Variants in LRRC7 observed in about 807,000 individuals in gnomAD.
LRRC7 encodes the protein leucine rich repeat containing 7.
In LRRC7, 23 loss-of-function variants were observed where a neutral mutation model predicts 175.7. The observed-to-expected ratio is 0.13, with a 90% CI of 0.09 to 0.19. LRRC7 has a LOEUF of 0.19. Ranked by LOEUF, LRRC7 falls within the 10% of genes least tolerant of loss-of-function variation. The pLI is 1.00. For missense variants in LRRC7, 1,354 were observed against 1,904.7 expected (o/e 0.71, Z 5.38); for synonymous variants, 685 against 680.9 (o/e 1.01, Z -0.09).
chr1:69,796,373 T>C (rs1675766511), intron 4 of LRRC7, among the ~76,000 whole-genome samples: 1 of 152,138 alleles, frequency 6.6e-6, no homozygotes, highest in African/African-American at 2.4e-5. Context: ...TCCAAATGCA[T>C]CAAGCTGGTT....
At chr1:70,101,487 A>G (rs763250817) in intron 25 of LRRC7, among the ~76,000 whole-genome samples, 1 of 152,194 alleles carries the variant, frequency 6.6e-6, no homozygotes, top group Admixed American at 6.5e-5. Context: ...CACCTTCATC[A>G]TTAAAAAGCC....
Position 70,124,037 on chromosome 1 carries a change from A to G in LRRC7, c.*2150A>G, listed in dbSNP as rs1379181981. ...ACACAGCTGAAAGGATCATAATCCT[A>G]GTAAACACCTCTGCCACTCCTGATG... On this transcript the variant is annotated 3_prime_UTR_variant, in exon 27 of 27. Transcript: ENST00000651989. 6.6e-6 allele frequency among the ~76,000 whole-genome samples: 1 copy of G among 152,230 alleles called. No homozygotes were observed. The highest frequency in any genetic ancestry group is 2.4e-5 in the African/African-American group (1 of 41,470).
intron 2 of LRRC7, among the ~76,000 whole-genome samples, chr1:69,719,229 A>G (rs1205317559): frequency 6.6e-6 from 1 of 151,756 alleles, no homozygotes; most frequent in Non-Finnish European, 1.5e-5. Flanking sequence ...CATTAGAGTG[A>G]CAAATATTCT....
At chr1:69,668,754 G>T (rs1360162394) in intron 1 of LRRC7, among the ~76,000 whole-genome samples, 1 of 152,038 alleles carries the variant, frequency 6.6e-6, no homozygotes, top group Non-Finnish European at 1.5e-5. Flanking sequence ...TAATTTACAT[G>T]CCCACCAACA....
At chr1:69,807,343 G>A (rs190413111) in intron 4 of LRRC7, among the ~76,000 whole-genome samples, 86 of 152,098 alleles carry the variant, frequency 5.7e-4, no homozygotes, top group Middle Eastern at 3.4e-3. Flanking sequence ...TCATTATGAT[G>A]TTAGCTGGTT....
chr1:69,760,465 G>T (rs1670917310), intron 3 of LRRC7, 72 bp downstream of exon 3: 6 of 1,320,200 alleles, frequency 4.5e-6, no homozygotes, highest in Non-Finnish European at 5.4e-6. Context: ...TATTATAATG[G>T]TAATGTGAAC....
At chr1:69,988,223 A>G (rs72676875) in intron 10 of LRRC7, among the ~76,000 whole-genome samples, 2,491 of 152,286 alleles carry the variant, frequency 0.016, 32 homozygotes, top group Non-Finnish European at 0.024. Flanking sequence ...AGTGCCAAGA[A>G]CTGTGCCTGG....
chr1:69,824,647 G>A (rs1378114023), intron 4 of LRRC7, among the ~76,000 whole-genome samples: 1 of 152,028 alleles, frequency 6.6e-6, no homozygotes, highest in Admixed American at 6.6e-5. Flanking sequence ...CTGCTTCAAG[G>A]GCTTTGAAGT....
In LRRC7 at chr1:69,663,154, TTTTA is replaced by T. The variant is rs561346942; in HGVS notation, c.3-15219_3-15216del. ...TCCTACTTTCATTTTTAATTCCTTT[TTTTA>T]TTTATTTTTTCTTACCATGAATTAT... On this transcript the variant is annotated intron_variant, in intron 1 of 26. Coordinates refer to ENST00000651989, the MANE Select transcript of LRRC7 (RefSeq NM_001370785.2). Among the ~76,000 whole-genome samples the T allele has an allele frequency of 3.4e-3, 525 of 152,258 alleles. 2 individuals are homozygous for T. Among genetic ancestry groups the T allele is most frequent in the Non-Finnish European group, 5.4e-3 (368 of 68,014 alleles).
At chr1:69,618,365 C>T (rs1251827320) in intron 1 of LRRC7, among the ~76,000 whole-genome samples, 3 of 152,118 alleles carry the variant, frequency 2.0e-5, no homozygotes, top group Non-Finnish European at 4.4e-5. Flanking sequence ...ACTTAGTAAG[C>T]TTTTGATCTA....
chr1:70,021,438 A>G (rs1375059008), intron 16 of LRRC7: 1 of 217,918 alleles, frequency 4.6e-6, no homozygotes, highest in Non-Finnish European at 9.2e-6. Flanking sequence ...ACCTTATTTC[A>G]TTGTTGACAT....
intron 7 of LRRC7, among the ~76,000 whole-genome samples, chr1:69,875,790 G>A (rs1317252793): frequency 6.6e-6 from 1 of 151,764 alleles, no homozygotes; most frequent in Non-Finnish European, 1.5e-5. Context: ...GTATTGAACT[G>A]TCTTTTATAA....
At chr1:70,097,293 T>A (rs1404432891) in intron 25 of LRRC7, among the ~76,000 whole-genome samples, 1 of 152,168 alleles carries the variant, frequency 6.6e-6, no homozygotes, top group African/African-American at 2.4e-5. Context: ...TAAGAAATGT[T>A]CTAGCATATT....
intron 8 of LRRC7, among the ~76,000 whole-genome samples, chr1:69,973,947 C>T (rs554479682): frequency 1.3e-5 from 2 of 152,276 alleles, no homozygotes; most frequent in African/African-American, 4.8e-5. Flanking sequence ...GTAAAGTAGA[C>T]ATCTTCTATG....
chr1:69,666,885 C>T (rs1033436255), intron 1 of LRRC7, among the ~76,000 whole-genome samples: 8 of 151,848 alleles, frequency 5.3e-5, no homozygotes, highest in Non-Finnish European at 1.0e-4. Flanking sequence ...TCTAGTTCTT[C>T]AAGATGCATC....
At chr1:70,095,800 T>C (rs1206724828) in intron 25 of LRRC7, among the ~76,000 whole-genome samples, 1 of 152,178 alleles carries the variant, frequency 6.6e-6, no homozygotes, top group Non-Finnish European at 1.5e-5. Context: ...CTTTGGAACC[T>C]AAACATTTTT....
chr1:69,942,095 C>T (rs1648783607), intron 8 of LRRC7, among the ~76,000 whole-genome samples: 1 of 152,110 alleles, frequency 6.6e-6, no homozygotes, highest in South Asian at 2.1e-4. Context: ...GGCCCTGCAC[C>T]TTCATGTCCT....
intron 24 of LRRC7, among the ~76,000 whole-genome samples, chr1:70,085,400 T>C (rs1458248985): frequency 6.6e-6 from 1 of 152,172 alleles, no homozygotes; most frequent in East Asian, 1.9e-4. Flanking sequence ...TTTCTCCCAG[T>C]GAATTACCTT....
At chr1:69,868,798 G>A (rs1168232707) in intron 7 of LRRC7, among the ~76,000 whole-genome samples, 2 of 151,956 alleles carry the variant, frequency 1.3e-5, no homozygotes, top group Non-Finnish European at 2.9e-5. Flanking sequence ...TGTCAGCAAG[G>A]TTGGTTTCTT....
Sources: allele counts gnomAD v4.1 joint callset (sites outside exome capture counted in the v4.1 genomes callset), GRCh38; gene constraint gnomAD v4.1.1; transcripts MANE v1.5; gene names NCBI Gene and HGNC (gene_info 2026-07-23, HGNC 2026-07-21).